RSPO2: variants seen among roughly 807,000 people sequenced by gnomAD.
RSPO2 encodes R-spondin-2.
Under a neutral mutation model 30.9 loss-of-function variants are expected in RSPO2, and 14 were observed. That is an observed-to-expected ratio of 0.45 (90% confidence interval 0.30 to 0.71). The LOEUF (loss-of-function observed/expected upper bound fraction) is 0.71. Ranked by LOEUF, RSPO2 falls within the 30% of genes least tolerant of loss-of-function variation. The pLI is 0.08. For synonymous variants in RSPO2, 107 were observed against 96.4 expected, an observed-to-expected ratio of 1.11 and a Z score of -0.64; for missense variants, 264 against 301.9, an observed-to-expected ratio of 0.87 and a Z score of 0.93.
At chr8:108,069,895 G>A (rs989708151) in intron 2 of RSPO2, among the ~76,000 whole-genome samples, 2 of 152,166 alleles carry the variant, frequency 1.3e-5, no homozygotes, top group Non-Finnish European at 2.9e-5. Context: ...AGGTGTGCCA[G>A]ATAGTATTAA....
At chr8:108,006,726 T>C (rs1191208966) in intron 2 of RSPO2, among the ~76,000 whole-genome samples, 1 of 152,198 alleles carries the variant, frequency 6.6e-6, no homozygotes, top group Non-Finnish European at 1.5e-5. Flanking sequence ...ACCGGGATTG[T>C]AAACACTGTA....
At chr8:108,061,898 A>C (rs1812479436) in intron 2 of RSPO2, among the ~76,000 whole-genome samples, 1 of 151,882 alleles carries the variant, frequency 6.6e-6, no homozygotes, top group African/African-American at 2.4e-5. Context: ...AAACCGCTCA[A>C]CTACATGGAA....
chr8:108,053,613 C>G (rs184122894), intron 2 of RSPO2, among the ~76,000 whole-genome samples: 1 of 152,102 alleles, frequency 6.6e-6, no homozygotes. Context: ...ATATACTGGA[C>G]ATAGTAAGAA....
At chr8:107,933,465 C>T (rs1025850625) in intron 5 of RSPO2, among the ~76,000 whole-genome samples, 1 of 151,838 alleles carries the variant, frequency 6.6e-6, no homozygotes, top group African/African-American at 2.4e-5. Flanking sequence ...AATTTATCAC[C>T]CTCTCTCTAT....
chr8:107,959,828 G>A (rs932357334), intron 4 of RSPO2, among the ~76,000 whole-genome samples: 2 of 152,096 alleles, frequency 1.3e-5, no homozygotes, highest in South Asian at 2.1e-4. Context: ...TGTCTTCTTT[G>A]CAAGCTCTCA....
Position 108,061,100 on chromosome 8 carries a change from T to C in RSPO2, c.94+21445A>G, listed in dbSNP as rs529555215. On this transcript the variant is annotated intron_variant, in intron 2 of 5. Coordinates refer to ENST00000276659, the MANE Select transcript of RSPO2 (RefSeq NM_178565.5). ...AAAGGATGCCAAATTGTAAAGACCA[T>C]TGAGGCTAGGAAGAAACTGCATCAA... Among the ~76,000 whole-genome samples, 7 of 151,868 alleles carry C rather than the reference T, an allele frequency of 4.6e-5. No individual in the cohort carries two copies. The East Asian group carries it at 9.7e-4, about 21-fold the overall frequency.
chr8:107,974,611 A>G (rs1239803686), intron 3 of RSPO2, among the ~76,000 whole-genome samples: 1 of 152,102 alleles, frequency 6.6e-6, no homozygotes, highest in East Asian at 1.9e-4. Context: ...CTACTGAGTA[A>G]TTATGTGACT....
chr8:107,924,485 T>C (rs1812288864), intron 5 of RSPO2, among the ~76,000 whole-genome samples: 1 of 152,034 alleles, frequency 6.6e-6, no homozygotes, highest in Non-Finnish European at 1.5e-5. Context: ...TCAAGGCTTT[T>C]GTGTACCTCT....
At chr8:108,003,350 G>A (rs569147464) in intron 2 of RSPO2, among the ~76,000 whole-genome samples, 2 of 121,860 alleles carry the variant, frequency 1.6e-5, no homozygotes, top group East Asian at 4.9e-4. Flanking sequence ...GTAGAGACGG[G>A]GTTTCTCCAT....
At chr8:108,057,055 CAAAAAAAAAAAAAAAAAAAAAA>C (rs56727719) in intron 2 of RSPO2, among the ~76,000 whole-genome samples, 3 of 36,070 alleles carry the variant, frequency 8.3e-5, no homozygotes, top group East Asian at 8.1e-4. Flanking sequence ...GACTCTGTCT[CAAAAAAAAAAAAAAAAAAAAAA>C]AAAAAAAAAA....
intron 5 of RSPO2, among the ~76,000 whole-genome samples, chr8:107,902,713 A>T (rs1811517783): frequency 6.6e-6 from 1 of 152,104 alleles, no homozygotes. Context: ...AGTGACTGGC[A>T]CTTAGTCGAT....
At chr8:108,068,183 G>A (rs1336967759) in intron 2 of RSPO2, among the ~76,000 whole-genome samples, 1 of 152,186 alleles carries the variant, frequency 6.6e-6, no homozygotes, top group Non-Finnish European at 1.5e-5. Context: ...TAAAGATGTT[G>A]TAATAAGTAA....
chr8:108,011,389 A>G (rs1810708749), intron 2 of RSPO2, among the ~76,000 whole-genome samples: 1 of 152,172 alleles, frequency 6.6e-6, no homozygotes, highest in Non-Finnish European at 1.5e-5. Flanking sequence ...ATTAACAGTG[A>G]TTACTACAAG....
chr8:108,061,503 C>T (rs1379576490), intron 2 of RSPO2, among the ~76,000 whole-genome samples: 6 of 151,888 alleles, frequency 4.0e-5, no homozygotes, highest in African/African-American at 1.5e-4. Context: ...AATATATATG[C>T]ACCCAATACG....
intron 5 of RSPO2, among the ~76,000 whole-genome samples, chr8:107,928,226 C>A (rs1467169731): frequency 6.6e-6 from 1 of 152,124 alleles, no homozygotes; most frequent in Non-Finnish European, 1.5e-5. Context: ...AAAATAGCCA[C>A]CAGGTTCCAT....
chr8:108,034,284 G>C (rs1486750385), intron 2 of RSPO2, among the ~76,000 whole-genome samples: 1 of 151,962 alleles, frequency 6.6e-6, no homozygotes, highest in East Asian at 1.9e-4. Context: ...CCCCACCTAA[G>C]ATTCTGATTC....
chr8:108,029,000 C>T (rs1368393279), intron 2 of RSPO2, among the ~76,000 whole-genome samples: 1 of 121,670 alleles, frequency 8.2e-6, no homozygotes, highest in Non-Finnish European at 1.6e-5. Context: ...AGTTCAAATT[C>T]TAGTGCTGGT....
intron 5 of RSPO2, among the ~76,000 whole-genome samples, chr8:107,930,248 G>A (rs953392893): frequency 6.6e-6 from 1 of 152,078 alleles, no homozygotes; most frequent in Non-Finnish European, 1.5e-5. Context: ...AGTTCACAGA[G>A]GTACTAAGTA....
Position 107,960,417 on chromosome 8 carries a change from A to C in RSPO2, c.427+257T>G, listed in dbSNP as rs541730. 0.5 allele frequency among the ~76,000 whole-genome samples: 75,328 copies of C among 151,804 alleles called. 21,589 individuals are homozygous for C. The highest frequency in any genetic ancestry group is 0.69 in the East Asian group (3,568 of 5,156). ...ATCTATTAAGAAATTGATGTATTACACGGATGATTAAAAAAAAACCTTGTT... is the reference window on the plus strand; with the variant it reads ...ATCTATTAAGAAATTGATGTATTACCCGGATGATTAAAAAAAAACCTTGTT... On this transcript the variant is annotated intron_variant, in intron 4 of 5. Transcript: ENST00000276659.
Sources: gnomAD v4.1 joint callset for allele counts (sites outside exome capture counted in the v4.1 genomes callset) on GRCh38, gnomAD v4.1.1 for gene constraint, MANE v1.5 for transcripts, NCBI Gene and HGNC (gene_info 2026-07-23, HGNC 2026-07-21) for gene names.